The following DLGAP4 variants were observed in gnomAD, a reference collection of about 807,000 sequenced individuals.
The protein encoded by DLGAP4 is disks large-associated protein 4.
Under a neutral mutation model 86.9 loss-of-function variants are expected in DLGAP4, and 18 were observed. The ratio of observed to expected loss-of-function variants is 0.21; its 90% confidence interval spans 0.14 to 0.31. DLGAP4 has a LOEUF of 0.31. Ranked by LOEUF, DLGAP4 falls within the 10% of genes least tolerant of loss-of-function variation. The probability of loss-of-function intolerance (pLI) is 1.00; values close to 1 mark genes in which losing one functional copy is unlikely to be tolerated. For missense variants in DLGAP4, 1,085 were observed against 1,362.6 expected, an observed-to-expected ratio of 0.80 and a Z score of 3.21; for synonymous variants, 548 against 574.3, an observed-to-expected ratio of 0.95 and a Z score of 0.65.
At chr20:36,442,817 G>T (rs770971856) in intron 6 of DLGAP4, 40 bp downstream of exon 6, 3 of 1,613,474 alleles carry the variant, frequency 1.9e-6, no homozygotes, top group South Asian at 2.2e-5. Flanking sequence ...CAATCCCAGA[G>T]TGTAGGCCTG....
intron 10 of DLGAP4, among the ~76,000 whole-genome samples, chr20:36,512,145 G>C (rs2036740827): frequency 6.7e-6 from 1 of 149,606 alleles, no homozygotes; most frequent in Admixed American, 6.7e-5. Flanking sequence ...CCACCTCCCG[G>C]ATTCATGCCA....
chr20:36,499,518 G>A (rs1600660535), intron 8 of DLGAP4, 70 bp from the exon 9 acceptor site: 1 of 1,499,504 alleles, frequency 6.7e-7, no homozygotes, highest in East Asian at 2.3e-5. Flanking sequence ...AATTTCAGCA[G>A]CAAGTGTGGT....
chr20:36,307,785 G>C (rs1274032373), intron 1 of DLGAP4, among the ~76,000 whole-genome samples: 2 of 152,184 alleles, frequency 1.3e-5, no homozygotes, highest in Non-Finnish European at 2.9e-5. Flanking sequence ...GGGGAGTCCT[G>C]GCTCTCTCTG....
intron 7 of DLGAP4, among the ~76,000 whole-genome samples, chr20:36,461,095 T>A (rs1001950328): frequency 1.3e-5 from 2 of 152,040 alleles, no homozygotes; most frequent in African/African-American, 4.8e-5. Context: ...GAGGTGTCGC[T>A]GGGGTGAACT....
chr20:36,332,999 T>C (rs971634894), intron 1 of DLGAP4, among the ~76,000 whole-genome samples: 1 of 152,230 alleles, frequency 6.6e-6, no homozygotes. Flanking sequence ...AGATGCAGGA[T>C]GTAGTCTGGC....
intron 7 of DLGAP4, among the ~76,000 whole-genome samples, chr20:36,486,814 G>A (rs2035437650): frequency 6.6e-6 from 1 of 152,012 alleles, no homozygotes; most frequent in African/African-American, 2.4e-5. Context: ...GTTTCACCAT[G>A]TTGGCCAGGC....
At chr20:36,412,303 G>A (rs1360311894) in intron 2 of DLGAP4, among the ~76,000 whole-genome samples, 1 of 152,232 alleles carries the variant, frequency 6.6e-6, no homozygotes, top group African/African-American at 2.4e-5. Context: ...AGAGGGCAGG[G>A]CAGCATGGAC....
intron 7 of DLGAP4, among the ~76,000 whole-genome samples, chr20:36,495,586 G>A (rs1205934240): frequency 6.6e-6 from 1 of 152,352 alleles, no homozygotes; most frequent in African/African-American, 2.4e-5. Context: ...CGTCTGAGAA[G>A]CAAGCAGTGG....
intron 1 of DLGAP4, among the ~76,000 whole-genome samples, chr20:36,322,479 CTG>C (rs1229377373): frequency 3.3e-5 from 5 of 152,198 alleles, no homozygotes; most frequent in African/African-American, 1.2e-4. Flanking sequence ...CCTAACTTCT[CTG>C]TGCCTCAGTC....
chr20:36,468,812 AT>A (rs2147653262), intron 7 of DLGAP4, among the ~76,000 whole-genome samples: 1 of 152,320 alleles, frequency 6.6e-6, no homozygotes, highest in African/African-American at 2.4e-5. Flanking sequence ...GAGAAATGCT[AT>A]TTGGACTTTG....
chr20:36,351,767 T>A (rs1555893479), intron 1 of DLGAP4, among the ~76,000 whole-genome samples: 6 of 151,844 alleles, frequency 4.0e-5, no homozygotes, highest in African/African-American at 1.5e-4. Flanking sequence ...GTCACAGTCT[T>A]TGATTTGTTC....
chr20:36,400,117 T>C (rs1428508197), intron 2 of DLGAP4, among the ~76,000 whole-genome samples: 1 of 152,252 alleles, frequency 6.6e-6, no homozygotes, highest in Non-Finnish European at 1.5e-5. Flanking sequence ...ACCCTCACTA[T>C]ATTTTGTATA....
intron 7 of DLGAP4, among the ~76,000 whole-genome samples, chr20:36,467,566 G>T (rs2034473486): frequency 6.6e-6 from 1 of 152,156 alleles, no homozygotes; most frequent in Admixed American, 6.5e-5. Context: ...AATCAGGCTG[G>T]GTAAATTGGA....
chr20:36,448,177 C>A, intron 7 of DLGAP4, among the ~76,000 whole-genome samples: 1 of 151,948 alleles, frequency 6.6e-6, no homozygotes, highest in South Asian at 2.1e-4. Context: ...CATGATGAAA[C>A]CCGGACTCTA....
intron 7 of DLGAP4, among the ~76,000 whole-genome samples, chr20:36,474,958 T>C (rs1169132280): frequency 1.3e-5 from 2 of 152,116 alleles, no homozygotes; most frequent in Non-Finnish European, 2.9e-5. Context: ...CTGTTAGTGA[T>C]GAGAACCCTA....
chr20:36,342,222 C>T (rs2065390709), intron 1 of DLGAP4, among the ~76,000 whole-genome samples: 1 of 152,212 alleles, frequency 6.6e-6, no homozygotes, highest in Non-Finnish European at 1.5e-5. Flanking sequence ...CTCTCTGTGC[C>T]TCAGACTCCT....
At chr20:36,402,259 G>A (rs1310866768) in intron 2 of DLGAP4, among the ~76,000 whole-genome samples, 1 of 152,060 alleles carries the variant, frequency 6.6e-6, no homozygotes, top group Non-Finnish European at 1.5e-5. Flanking sequence ...AGTCATTTGG[G>A]GTTCAAAACT....
At chr20:36,379,200 G>A (rs1288804778) in intron 2 of DLGAP4, among the ~76,000 whole-genome samples, 8 of 152,200 alleles carry the variant, frequency 5.3e-5, no homozygotes, top group Non-Finnish European at 8.8e-5. Flanking sequence ...GTAAAGTGGC[G>A]GGAGGCAGAG....
chr20:36,337,268 T>C (rs16986061), intron 1 of DLGAP4, among the ~76,000 whole-genome samples: 1,847 of 151,184 alleles, frequency 0.012, 35 homozygotes, highest in African/African-American at 0.042. Flanking sequence ...TTTTAGGGGT[T>C]ACTGCTCATT....
Sources: allele counts gnomAD v4.1 joint callset (sites outside exome capture counted in the v4.1 genomes callset), GRCh38; gene constraint gnomAD v4.1.1; transcripts MANE v1.5; gene names NCBI Gene and HGNC (gene_info 2026-07-23, HGNC 2026-07-21).